ADAM32: variants seen among roughly 807,000 people sequenced by gnomAD.
The protein encoded by ADAM32 is disintegrin and metalloproteinase domain-containing protein 32.
In ADAM32, 89 loss-of-function variants were observed where a neutral mutation model predicts 114.9. That is an observed-to-expected ratio of 0.77 (90% CI 0.65 to 0.92). ADAM32 has a LOEUF of 0.92. Among genes scored for constraint, ADAM32 ranks in the 40% least tolerant of loss-of-function variants. The probability of loss-of-function intolerance (pLI) is 0.00; values close to 1 mark genes in which losing one functional copy is unlikely to be tolerated. For synonymous variants in ADAM32, 285 were observed against 307.5 expected, an observed-to-expected ratio of 0.93 and a Z score of 0.77; for missense variants, 870 against 932.8, an observed-to-expected ratio of 0.93 and a Z score of 0.88.
chr8:39,149,890 A>G, intron 5 of ADAM32, 23 bp downstream of exon 5: 1 of 1,567,332 alleles, frequency 6.4e-7, no homozygotes, highest in Non-Finnish European at 8.8e-7. Context: ...TGTTGATTAC[A>G]GAACACCTTA....
intron 14 of ADAM32, chr8:39,223,941 C>T (rs1809167959): frequency 6.6e-6 from 1 of 152,108 alleles, no homozygotes; most frequent in African/African-American, 2.4e-5. Context: ...TAATGGCCTC[C>T]AGGTTCATCT....
chr8:39,157,759 T>C (rs1804229856), intron 6 of ADAM32: 1 of 1,382,072 alleles, frequency 7.2e-7, no homozygotes. Context: ...GACAAAGTCA[T>C]TGGTCACTTC....
chr8:39,217,279 G>T (rs1232644551), intron 12 of ADAM32, among the ~76,000 whole-genome samples: 1 of 151,848 alleles, frequency 6.6e-6, no homozygotes, highest in Non-Finnish European at 1.5e-5. Context: ...TTCTCTTGCT[G>T]CTTTTAGGAT....
At chr8:39,212,544 G>A (rs1808297195) in intron 12 of ADAM32, among the ~76,000 whole-genome samples, 1 of 152,136 alleles carries the variant, frequency 6.6e-6, no homozygotes, top group Non-Finnish European at 1.5e-5. Context: ...GGTCTAGAAA[G>A]TCATATAAAT....
chr8:39,232,199 C>A, intron 15 of ADAM32, 64 bp downstream of exon 15: 1 of 1,329,812 alleles, frequency 7.5e-7, no homozygotes. Context: ...AAACTTTGCC[C>A]CCTTCTGTGT....
At chr8:39,204,628 C>T (rs1173860761) in intron 11 of ADAM32, among the ~76,000 whole-genome samples, 1 of 152,196 alleles carries the variant, frequency 6.6e-6, no homozygotes, top group Non-Finnish European at 1.5e-5. Flanking sequence ...TCTCTCAACT[C>T]ATCAAAGTCA....
chr8:39,136,725 T>A lies in ADAM32; in HGVS notation c.200+7T>A. ...CTGTGCACCTTAAACAAAGGTAAAT[T>A]TTTATTCTTTAGTTTTGGATTTTAT... On this transcript the variant is annotated splice_region_variant and intron_variant, in intron 3 of 24. Coordinates refer to ENST00000379907, the MANE Select transcript of ADAM32 (RefSeq NM_145004.7). The A allele has an allele frequency of 4.1e-6, 6 of 1,471,092 alleles. No individual in the cohort carries two copies. Among genetic ancestry groups the A allele is most frequent in the Non-Finnish European group, 5.5e-6 (6 of 1,092,738 alleles). The allele number at this position is 1,471,092 out of a possible 1,614,324, so 91.1% of individuals were successfully genotyped here.
chr8:39,144,699 A>T (rs945105850), intron 3 of ADAM32, among the ~76,000 whole-genome samples: 4 of 152,242 alleles, frequency 2.6e-5, no homozygotes, highest in Non-Finnish European at 5.9e-5. Flanking sequence ...AGCTAACATC[A>T]TACTCAGTGG....
At chr8:39,107,555 G>A, upstream of ADAM32, 1 of 1,316,450 alleles carries the variant, frequency 7.6e-7, no homozygotes, top group Non-Finnish European at 1.0e-6. Flanking sequence ...ACGCGGCTGG[G>A]GTGCGCCGGG....
At position 39,173,389 on chromosome 8, in the gene ADAM32, T is replaced by C. The variant is rs147217608; in HGVS notation, c.915+3392T>C. ...CTGACTGGAGTGAGGTGGTATCTCA[T>C]TGTGATTTTAATTTGCATTTCTTTA... On this transcript the variant is annotated intron_variant, in intron 10 of 24. Coordinates refer to ENST00000379907, the MANE Select transcript of ADAM32 (RefSeq NM_145004.7). Among the ~76,000 whole-genome samples the C allele has an allele frequency of 3.3e-4, 51 of 152,314 alleles. 1 individual carries two copies. The highest frequency in any genetic ancestry group is 5.1e-4 in the African/African-American group (21 of 41,568).
intron 11 of ADAM32, among the ~76,000 whole-genome samples, chr8:39,209,683 G>A (rs776965785): frequency 2.0e-5 from 3 of 152,096 alleles, no homozygotes; most frequent in Non-Finnish European, 4.4e-5. Context: ...TGCCATTTCA[G>A]CACTAGATAG....
chr8:39,107,693 G>T (rs1298074565), upstream of ADAM32: 4 of 1,543,152 alleles, frequency 2.6e-6, no homozygotes, highest in East Asian at 9.9e-5. Flanking sequence ...GCGGGGAGCG[G>T]CCCCCGGCGT....
intron 16 of ADAM32, among the ~76,000 whole-genome samples, chr8:39,241,435 A>G (rs1484160203): frequency 6.6e-6 from 1 of 152,230 alleles, no homozygotes; most frequent in Non-Finnish European, 1.5e-5. Flanking sequence ...ACACTGCTCT[A>G]GCAGAGGTTC....
At position 39,210,866 on chromosome 8, in the gene ADAM32, GAAT is replaced by G. The variant is rs138261411; in HGVS notation, c.1053-273_1053-271del. On this transcript the variant is annotated intron_variant, in intron 11 of 24. Transcript: ENST00000379907. ...AAATCTGGGTGCTGATTTTTATTTG[GAAT>G]AATATCTGCTCAAATCCTTTGCCTA... Among the ~76,000 whole-genome samples, 1,663 of 151,956 alleles carry G rather than the reference GAAT, an allele frequency of 0.011. 65 individuals are homozygous for G. The East Asian group carries it at 0.12, about 11-fold the overall frequency.
At chr8:39,143,890 T>C (rs1286279990) in intron 3 of ADAM32, among the ~76,000 whole-genome samples, 3 of 152,174 alleles carry the variant, frequency 2.0e-5, no homozygotes, top group African/African-American at 7.2e-5. Flanking sequence ...TCCTGGCCAC[T>C]TTGTTTACAC....
At position 39,149,798 on chromosome 8, in the gene ADAM32, GCTA is replaced by G. The variant is rs748912021; in HGVS notation, c.288_290del (p.Tyr97del). The stretch of plus-strand genomic sequence containing the variant: ...ACTTTTTTTCTTTCCTAGACTCAAT[GCTA>G]CTATCAAGGAAATATTGAAGGATAT... On this transcript the variant is annotated inframe_deletion, in exon 5 of 25. Transcript: ENST00000379907. The G allele has an allele frequency of 1.2e-6, 2 of 1,609,892 alleles. No individual in the cohort carries two copies. Among genetic ancestry groups the G allele is most frequent in the South Asian group, 2.2e-5 (2 of 90,574 alleles).
intron 23 of ADAM32, among the ~76,000 whole-genome samples, chr8:39,283,342 T>C (rs1442667009): frequency 6.7e-6 from 1 of 149,168 alleles, no homozygotes; most frequent in African/African-American, 2.5e-5. Flanking sequence ...CCCCAGGAGG[T>C]TGAGGCTGTG....
chr8:39,214,767 C>T (rs1354646538), intron 12 of ADAM32, among the ~76,000 whole-genome samples: 1 of 152,074 alleles, frequency 6.6e-6, no homozygotes, highest in Non-Finnish European at 1.5e-5. Flanking sequence ...TTTGTCCAGT[C>T]CAATGTCCTG....
Position 39,262,866 on chromosome 8 carries a change from T to C in ADAM32, c.2162+5523T>C, listed in dbSNP as rs189357751. Among the ~76,000 whole-genome samples the C allele has an allele frequency of 2.3e-3, 348 of 152,052 alleles. 2 individuals carry two copies. Among genetic ancestry groups the C allele is most frequent in the African/African-American group, 7.4e-3 (307 of 41,494 alleles). On this transcript the variant is annotated intron_variant, in intron 19 of 24. Transcript: ENST00000379907. ...GACAACAGGTGCGTGCCACCATGCC[T>C]GTCTATTTTTTTTTAATTTTTAATA...
Sources: gnomAD v4.1 joint callset for allele counts (sites outside exome capture counted in the v4.1 genomes callset) on GRCh38, gnomAD v4.1.1 for gene constraint, MANE v1.5 for transcripts, NCBI Gene and HGNC (gene_info 2026-07-23, HGNC 2026-07-21) for gene names.